LUZP2: variants seen among roughly 807,000 people sequenced by gnomAD.
LUZP2 encodes leucine zipper protein 2.
In LUZP2, 52 loss-of-function variants were observed where a neutral mutation model predicts 51.6. The observed-to-expected ratio is 1.01, with a 90% confidence interval of 0.81 to 1.27. The LOEUF (loss-of-function observed/expected upper bound fraction) is 1.27. Ranked by LOEUF, LUZP2 falls within the 50% of genes most tolerant of loss-of-function variation. LUZP2 has a pLI of 0.00. For missense variants in LUZP2, 436 were observed against 395.4 expected, an observed-to-expected ratio of 1.10 and a Z score of -0.87; for synonymous variants, 154 against 137.3, an observed-to-expected ratio of 1.12 and a Z score of -0.85.
At chr11:24,684,509 T>A (rs2133876016) in intron 1 of LUZP2, among the ~76,000 whole-genome samples, 1 of 152,318 alleles carries the variant, frequency 6.6e-6, no homozygotes, top group Non-Finnish European at 1.5e-5. Context: ...GCAGATAATG[T>A]TTCTTCTGTG....
At chr11:24,815,893 A>C (rs1850166102) in intron 5 of LUZP2, among the ~76,000 whole-genome samples, 1 of 152,008 alleles carries the variant, frequency 6.6e-6, no homozygotes, top group Non-Finnish European at 1.5e-5. Context: ...CTGTTTAATC[A>C]CTGAAGGAAG....
At chr11:24,602,841 G>A (rs1489118952) in intron 1 of LUZP2, among the ~76,000 whole-genome samples, 1 of 151,572 alleles carries the variant, frequency 6.6e-6, no homozygotes, top group African/African-American at 2.4e-5. Flanking sequence ...ATTCCTGGAG[G>A]GAAGAAGTAC....
intron 1 of LUZP2, among the ~76,000 whole-genome samples, chr11:24,507,324 A>G (rs1260917164): frequency 1.3e-5 from 2 of 152,098 alleles, no homozygotes; most frequent in African/African-American, 4.8e-5. Context: ...CTCAACATGC[A>G]AATTGTAGCT....
At chr11:24,893,028 A>G (rs957614551) in intron 5 of LUZP2, 1 of 152,188 alleles carries the variant, frequency 6.6e-6, no homozygotes, top group African/African-American at 2.4e-5. Flanking sequence ...GTTTCCAAGA[A>G]GCACAATGTA....
At chr11:24,946,563 T>C (rs1416016999) in intron 7 of LUZP2, among the ~76,000 whole-genome samples, 2 of 152,002 alleles carry the variant, frequency 1.3e-5, no homozygotes, top group African/African-American at 4.8e-5. Context: ...CTACTTCAGA[T>C]TTGTACTAAT....
chr11:24,994,486 T>C (rs1856440870), intron 9 of LUZP2, among the ~76,000 whole-genome samples: 1 of 152,222 alleles, frequency 6.6e-6, no homozygotes, highest in South Asian at 2.1e-4. Context: ...CATTAATCTA[T>C]ATGCCTATCT....
At chr11:24,546,540 T>G (rs1851550914) in intron 1 of LUZP2, among the ~76,000 whole-genome samples, 1 of 152,220 alleles carries the variant, frequency 6.6e-6, no homozygotes, top group Non-Finnish European at 1.5e-5. Context: ...ATGTGGGTAT[T>G]GTTTTTAATT....
At chr11:24,639,022 T>A (rs1855194791) in intron 1 of LUZP2, among the ~76,000 whole-genome samples, 3 of 151,976 alleles carry the variant, frequency 2.0e-5, no homozygotes, top group African/African-American at 7.3e-5. Flanking sequence ...AAAGACCTGT[T>A]ATACTAAAAG....
intron 5 of LUZP2, among the ~76,000 whole-genome samples, chr11:24,822,032 T>A (rs1408969476): frequency 4.6e-5 from 7 of 151,524 alleles, no homozygotes; most frequent in Admixed American, 2.6e-4. Context: ...GGGGTTTTTT[T>A]TTTTGGCCTT....
chr11:25,060,345 A>G (rs933541800), intron 10 of LUZP2, among the ~76,000 whole-genome samples: 1 of 152,176 alleles, frequency 6.6e-6, no homozygotes, highest in Non-Finnish European at 1.5e-5. Context: ...AGAAGAGGTA[A>G]GATGATGTCT....
chr11:24,737,796 A>C (rs2133982514), intron 3 of LUZP2, among the ~76,000 whole-genome samples: 1 of 152,240 alleles, frequency 6.6e-6, no homozygotes, highest in East Asian at 1.9e-4. Flanking sequence ...AGAATTAATT[A>C]ATTAAGAGCA....
At chr11:24,990,937 T>C (rs1229134273) in intron 9 of LUZP2, among the ~76,000 whole-genome samples, 1 of 151,990 alleles carries the variant, frequency 6.6e-6, no homozygotes, top group Non-Finnish European at 1.5e-5. Context: ...TTCTATTGTG[T>C]TTAAGCATTT....
At chr11:24,971,650 A>G (rs1420094950) in intron 7 of LUZP2, among the ~76,000 whole-genome samples, 1 of 152,190 alleles carries the variant, frequency 6.6e-6, no homozygotes, top group Non-Finnish European at 1.5e-5. Flanking sequence ...TTAAAAAAAA[A>G]TTATAAAAAA....
intron 1 of LUZP2, among the ~76,000 whole-genome samples, chr11:24,596,779 T>A (rs1188636427): frequency 6.6e-6 from 1 of 152,198 alleles, no homozygotes; most frequent in African/African-American, 2.4e-5. Flanking sequence ...AACCAGGTGT[T>A]CTCCGAGGAG....
chr11:24,737,911 T>C (rs1057383989), intron 3 of LUZP2, among the ~76,000 whole-genome samples: 1 of 152,132 alleles, frequency 6.6e-6, no homozygotes, highest in African/African-American at 2.4e-5. Context: ...TCTTTTCAAC[T>C]TGAATTATAT....
intron 5 of LUZP2, among the ~76,000 whole-genome samples, chr11:24,850,852 A>G (rs1235706233): frequency 1.3e-5 from 2 of 152,132 alleles, no homozygotes; most frequent in Non-Finnish European, 2.9e-5. Context: ...TGTAAGTTGT[A>G]TTCCTAGGTA....
chr11:24,610,477 A>T (rs2133885844), intron 1 of LUZP2, among the ~76,000 whole-genome samples: 1 of 152,322 alleles, frequency 6.6e-6, no homozygotes, highest in Admixed American at 6.5e-5. Flanking sequence ...TAAACATTTG[A>T]TGAATGATTG....
chr11:24,712,445 T>A (rs548751313), intron 1 of LUZP2, among the ~76,000 whole-genome samples: 29 of 152,140 alleles, frequency 1.9e-4, no homozygotes, highest in Non-Finnish European at 3.4e-4. Flanking sequence ...TCCCAACACA[T>A]CATCATCAAG....
chr11:24,586,911 C>A (rs1853084590), intron 1 of LUZP2, among the ~76,000 whole-genome samples: 1 of 151,998 alleles, frequency 6.6e-6, no homozygotes, highest in Non-Finnish European at 1.5e-5. Flanking sequence ...AATTTAAAGG[C>A]AAATTATATG....
Sources: gnomAD v4.1 joint callset for allele counts (sites outside exome capture counted in the v4.1 genomes callset) on GRCh38, gnomAD v4.1.1 for gene constraint, MANE v1.5 for transcripts, NCBI Gene and HGNC (gene_info 2026-07-23, HGNC 2026-07-21) for gene names.